INO80: variants seen among roughly 807,000 people sequenced by gnomAD.
INO80 encodes INO80 complex ATPase subunit, also known as chromatin-remodeling ATPase INO80.
In INO80, 20 loss-of-function variants were observed where a neutral mutation model predicts 203.4. The observed-to-expected ratio is 0.10, with a 90% confidence interval of 0.07 to 0.14. INO80 has a LOEUF of 0.14. Among genes scored for constraint, INO80 ranks in the 10% least tolerant of loss-of-function variants. INO80 has a pLI of 1.00. For synonymous variants in INO80, 726 were observed against 685.2 expected (o/e 1.06, Z -0.93); for missense variants, 1,419 against 1,914.4 (o/e 0.74, Z 4.83).
At chr15:41,033,664 T>C (rs368444337) in intron 24 of INO80, among the ~76,000 whole-genome samples, 1 of 152,098 alleles carries the variant, frequency 6.6e-6, no homozygotes, top group Non-Finnish European at 1.5e-5. Context: ...GAAAATTAAG[T>C]AGAATACAGG....
chr15:41,085,339 A>G, intron 7 of INO80, 30 bp downstream of exon 7: 4 of 1,584,724 alleles, frequency 2.5e-6, no homozygotes, highest in Non-Finnish European at 2.6e-6. Context: ...ACATTCTCCT[A>G]ATTTCCATCT....
In INO80 at chr15:41,054,028, AG is replaced by A; in HGVS notation, c.2189-15del. On this transcript the variant is annotated splice_polypyrimidine_tract_variant and intron_variant, in intron 18 of 35. Transcript: ENST00000648947. ...GAGAAAGTTGATCTGAAATGCCGGG[AG>A]GCCCCCAAATAATACATTATAGTGA... is the stretch of plus-strand genomic sequence containing the variant. 1 of 1,606,330 alleles carries A rather than the reference AG, an allele frequency of 6.2e-7. No individual in the cohort carries two copies. The highest frequency in any genetic ancestry group is 8.5e-7 in the Non-Finnish European group (1 of 1,173,356).
chr15:41,001,443 A>C (rs2043957485), intron 28 of INO80, among the ~76,000 whole-genome samples: 1 of 152,244 alleles, frequency 6.6e-6, no homozygotes, highest in Non-Finnish European at 1.5e-5. Flanking sequence ...ACTGAAAAAC[A>C]ACCACAATGA....
rs1555401518 is a variant in INO80 at position 41,035,847 on chromosome 15, A to AAAG, written c.2908-8112_2908-8111insCTT. Among the ~76,000 whole-genome samples, 9 of 139,276 alleles carry AAAG rather than the reference A, an allele frequency of 6.5e-5. 1 individual carries two copies. Among genetic ancestry groups the AAAG allele is most frequent in the East Asian group, 2.0e-4 (1 of 4,984 alleles). 91.4% of individuals were successfully genotyped at this position (139,276 alleles called of 152,430 possible). On this transcript the variant is annotated intron_variant, in intron 24 of 35. Coordinates refer to ENST00000648947, the MANE Select transcript of INO80 (RefSeq NM_017553.3). Reference sequence around the variant, plus strand: ...AAAAAAAAAAAAAAAAAAAAAAAAAAGTCTGGCGCCTTGGCTTACACCTGT... The same window carrying AAAG: ...AAAAAAAAAAAAAAAAAAAAAAAAAAAAGGTCTGGCGCCTTGGCTTACACCTGT...
chr15:41,010,180 C>A (rs1596256231), intron 27 of INO80, among the ~76,000 whole-genome samples: 1 of 152,236 alleles, frequency 6.6e-6, no homozygotes, highest in Non-Finnish European at 1.5e-5. Context: ...GCAAACAGAG[C>A]TGCCAGCATA....
chr15:41,074,211 T>G (rs1038890155), intron 10 of INO80, among the ~76,000 whole-genome samples, 159 bp downstream of exon 10: 7 of 152,092 alleles, frequency 4.6e-5, no homozygotes, highest in Non-Finnish European at 1.0e-4. Context: ...CTTATACTTC[T>G]GTTATAGAAA....
At chr15:41,079,588 A>AC (rs2140623076) in intron 9 of INO80, 113 bp downstream of exon 9, 2 of 1,040,690 alleles carry the variant, frequency 1.9e-6, no homozygotes, top group Non-Finnish European at 2.9e-6. Flanking sequence ...AAAAAAAAAA[A>AC]AACAAAAAAT....
chr15:41,031,540 AAGGGAGGAGGGAG>A (rs2044464481), intron 24 of INO80, among the ~76,000 whole-genome samples: 1 of 15,592 alleles, frequency 6.4e-5, no homozygotes, highest in Non-Finnish European at 1.8e-4. Context: ...AGAAGGGAGG[AAGGGAGGAGGGAG>A]GAAGGGAGGA....
chr15:40,987,121 G>A lies in INO80; in HGVS notation c.3802C>T (p.Leu1268Phe). The change falls in exon 31 of 36, where the codon CTT (leucine) becomes TTT (phenylalanine). Residue 1268 changes from leucine to phenylalanine, a missense_variant. Physicochemically the swap from Leu to Phe is conservative, Grantham distance 22. Coordinates refer to ENST00000648947, the MANE Select transcript of INO80 (RefSeq NM_017553.3). ...TLKPKEVVSL[L>F]LDDEELEKKL... The stretch of plus-strand genomic sequence containing the variant: ...TTCTCCAACTCTTCGTCGTCTAGAA[G>A]AAGACTAACCACCTCTTTGGGTTTC... 1 of 1,612,572 alleles carries A rather than the reference G, an allele frequency of 6.2e-7. No individual in the cohort carries two copies. Among genetic ancestry groups the A allele is most frequent in the Non-Finnish European group, 8.5e-7 (1 of 1,178,576 alleles).
intron 29 of INO80, among the ~76,000 whole-genome samples, chr15:40,994,699 T>G (rs1271611364): frequency 6.6e-6 from 1 of 152,084 alleles, no homozygotes; most frequent in Non-Finnish European, 1.5e-5. Context: ...TTCTTTATGC[T>G]TTGTCTCCTC....
In INO80 at chr15:41,027,697, A is replaced by G; in HGVS notation, c.2947T>C (p.Tyr983His). 2 of 1,612,394 alleles carry G rather than the reference A, an allele frequency of 1.2e-6. No homozygotes were observed. Among genetic ancestry groups the G allele is most frequent in the Non-Finnish European group, 1.7e-6 (2 of 1,179,054 alleles). The change falls in exon 25 of 36, where the codon TAC becomes CAC. Residue 983 changes from tyrosine (Y) to histidine (H), a missense_variant. This residue lies in a region of INO80 where 302 missense variants were observed against 345.4 expected (regional missense o/e 0.87). Transcript: ENST00000648947. ...FSSHCKAVSG[Y>H]SDQVVHQRRS... ...CGCTGATGGACAACCTGGTCTGAGT[A>G]GCCACTCACTGCTTTACAGTGGCTG...
intron 1 of INO80, among the ~76,000 whole-genome samples, chr15:41,113,164 C>T (rs917541239): frequency 6.6e-6 from 1 of 152,152 alleles, no homozygotes; most frequent in Non-Finnish European, 1.5e-5. Context: ...GATCCGCCTG[C>T]TCAGCCTCCC....
At chr15:41,090,313 C>T (rs1030537450) in intron 5 of INO80, among the ~76,000 whole-genome samples, 6 of 152,176 alleles carry the variant, frequency 3.9e-5, no homozygotes, top group Admixed American at 2.6e-4. Context: ...TGGTGGCTCA[C>T]GCCTGTAATC....
At position 41,016,223 on chromosome 15, in the gene INO80, G is replaced by A. The variant is rs781687268; in HGVS notation, c.3275-8C>T. 2 of 1,612,444 alleles carry A rather than the reference G, an allele frequency of 1.2e-6. No individual in the cohort carries two copies. Among genetic ancestry groups the A allele is most frequent in the African/African-American group, 2.7e-5 (2 of 74,840 alleles). On this transcript the variant is annotated splice_polypyrimidine_tract_variant and splice_region_variant and intron_variant, in intron 26 of 35. Transcript: ENST00000648947. ...TGATGAGGCTCTCCTTGCCTGGGGA[G>A]AAGAAAAGGGGGTGAGGGGGAACTG...
chr15:41,039,447 A>G (rs2044635226), intron 24 of INO80, among the ~76,000 whole-genome samples: 1 of 152,200 alleles, frequency 6.6e-6, no homozygotes, highest in Non-Finnish European at 1.5e-5. Flanking sequence ...TATATTTTCA[A>G]TATGTGCATG....
At chr15:41,109,908 G>T (rs528855128) in intron 1 of INO80, among the ~76,000 whole-genome samples, 45 of 150,512 alleles carry the variant, frequency 3.0e-4, no homozygotes, top group African/African-American at 1.0e-3. Context: ...CTCCAGCCTG[G>T]ACGACAGAGC....
chr15:41,056,593 A>C, intron 17 of INO80, 29 bp downstream of exon 17: 1 of 1,521,432 alleles, frequency 6.6e-7, no homozygotes, highest in Non-Finnish European at 9.1e-7. Context: ...TTATGAAGAT[A>C]TAAACCTGTG....
intron 28 of INO80, among the ~76,000 whole-genome samples, chr15:40,998,689 T>C (rs2043915058): frequency 6.6e-6 from 1 of 151,800 alleles, no homozygotes; most frequent in Non-Finnish European, 1.5e-5. Context: ...AGTCTAGCTC[T>C]GTCACTCAGG....
chr15:41,000,516 C>T (rs1216541377), intron 28 of INO80, among the ~76,000 whole-genome samples: 2 of 151,512 alleles, frequency 1.3e-5, no homozygotes, highest in African/African-American at 4.9e-5. Flanking sequence ...GGCAACAGGG[C>T]GAAACCTTGT....
Sources: allele counts gnomAD v4.1 joint callset (sites outside exome capture counted in the v4.1 genomes callset), GRCh38; gene constraint gnomAD v4.1.1; regional missense constraint gnomAD v4.1.1; transcripts MANE v1.5; gene names NCBI Gene and HGNC (gene_info 2026-07-23, HGNC 2026-07-21).